Variants in ZNF292 observed in about 807,000 individuals in gnomAD.
ZNF292 encodes zinc finger protein 292, also known as 16 zinc-finger domain protein.
A neutral mutation model predicts 217.9 loss-of-function variants in ZNF292; 26 were observed. The ratio of observed to expected loss-of-function variants is 0.12; its 90% CI spans 0.09 to 0.17. ZNF292 has a LOEUF of 0.17. ZNF292 is among the 10% of genes least tolerant of loss of function. The pLI is 1.00. For synonymous variants in ZNF292, 1,257 were observed against 1,124.1 expected, an observed-to-expected ratio of 1.12 and a Z score of -2.37; for missense variants, 2,904 against 3,175.2, an observed-to-expected ratio of 0.91 and a Z score of 2.05.
intron 1 of ZNF292, among the ~76,000 whole-genome samples, chr6:87,208,155 C>T (rs1273609578): frequency 2.0e-5 from 3 of 152,156 alleles, no homozygotes; most frequent in Non-Finnish European, 2.9e-5. Flanking sequence ...GAGAAGTCTG[C>T]TGCCTCTTCC....
rs201591532 is a variant in ZNF292, at chr6:87,258,214, C to G, written c.4585C>G (p.Pro1529Ala). The G allele has an allele frequency of 6.2e-7, 1 of 1,611,940 alleles. No homozygotes were observed. The highest frequency in any genetic ancestry group is 8.5e-7 in the Non-Finnish European group (1 of 1,179,128). Residue 1529 changes from proline to alanine, a missense_variant, in exon 8 of 8, where the codon CCA becomes GCA. Pro to Ala is a conservative substitution (Grantham distance 27). Transcript: ENST00000369577. ...ATCACAAGTAAATGCAACGGTGATG[C>G]CAAATCCAACTGTACCACCCCTGTT... ...DASQVNATVM[P>A]NPTVPPLLHT... is the part of the protein sequence containing the mutation.
chr6:87,175,137 T>C (rs549006009), intron 1 of ZNF292, among the ~76,000 whole-genome samples: 1 of 152,330 alleles, frequency 6.6e-6, no homozygotes, highest in East Asian at 1.9e-4. Flanking sequence ...ATCTTTTTGC[T>C]TCACTGGTCA....
At chr6:87,225,951 CTT>C (rs1773324728) in intron 4 of ZNF292, among the ~76,000 whole-genome samples, 1 of 152,108 alleles carries the variant, frequency 6.6e-6, no homozygotes, top group Non-Finnish European at 1.5e-5. Flanking sequence ...TTGGGTTTTA[CTT>C]TTATTAACAT....
chr6:87,174,387 T>C (rs375625549), intron 1 of ZNF292: 1 of 151,896 alleles, frequency 6.6e-6, no homozygotes, highest in Non-Finnish European at 1.5e-5. Context: ...ATAGGGAAAC[T>C]CCCTTTTCTC....
In ZNF292 at chr6:87,206,325, C is replaced by G. The variant is rs865929875; in HGVS notation, c.169-9578C>G. 8.5e-5 allele frequency among the ~76,000 whole-genome samples: 11 copies of G among 129,210 alleles called. No individual in the cohort carries two copies. In the Middle Eastern group the frequency reaches 0.016, roughly 186 times the overall value. The allele number at this position is 129,210 out of a possible 152,430, so 84.8% of individuals were successfully genotyped here. A position where few individuals can be genotyped will look rare whatever the true frequency, so the allele number is the denominator to read the frequency against. On this transcript the variant is annotated intron_variant, in intron 1 of 7. Coordinates refer to ENST00000369577, the MANE Select transcript of ZNF292 (RefSeq NM_015021.3). ...GTGAAGAATTCAATCTACCACACTT[C>G]CCACCCTCAGTACTTTGCTTTTCAA...
At chr6:87,212,527 TTACG>T (rs894728925) in intron 1 of ZNF292, among the ~76,000 whole-genome samples, 1 of 152,156 alleles carries the variant, frequency 6.6e-6, no homozygotes, top group African/African-American at 2.4e-5. Flanking sequence ...AAAAAGACAC[TTACG>T]TAGATTTCAA....
chr6:87,216,105 A>G lies in ZNF292; in HGVS notation c.323+48A>G, dbSNP rs559505413. On this transcript the variant is annotated intron_variant, in intron 2 of 7. Coordinates refer to ENST00000369577, the MANE Select transcript of ZNF292 (RefSeq NM_015021.3). ...AAACTAGATTTAGCTTTAAAAATAC[A>G]TAGACACACACACACACACACACAC... 4.1e-6 allele frequency: 3 copies of G among 730,072 alleles called. No individual in the cohort carries two copies. The South Asian group carries it at 6.8e-5, about 17-fold the overall frequency. 45.2% of individuals were successfully genotyped at this position (730,072 alleles called of 1,614,324 possible).
At chr6:87,165,571 A>G (rs1770886078) in intron 1 of ZNF292, among the ~76,000 whole-genome samples, 1 of 152,124 alleles carries the variant, frequency 6.6e-6, no homozygotes, top group South Asian at 2.1e-4. Context: ...TCTTGATTTT[A>G]TAATCCACCA....
At chr6:87,232,808 A>T (rs979407346) in intron 4 of ZNF292, among the ~76,000 whole-genome samples, 3 of 152,084 alleles carry the variant, frequency 2.0e-5, no homozygotes, top group African/African-American at 7.2e-5. Flanking sequence ...TCATTATAAA[A>T]CATCTATTTT....
In ZNF292 at chr6:87,255,500, C is replaced by G; in HGVS notation, c.1871C>G (p.Thr624Ser). ...ACAACTACCAATGAAAATCAGAAGA[C>G]TAATACTGTGGCTAAACAGGAGCAG... ...KITTTNENQK[T>S]NTVAKQEQRP... Residue 624 changes from threonine to serine, a missense_variant, in exon 8 of 8, where the codon ACT becomes AGT. Transcript: ENST00000369577. The G allele has an allele frequency of 6.2e-7, 1 of 1,613,324 alleles. No individual in the cohort carries two copies. Among genetic ancestry groups the G allele is most frequent in the Non-Finnish European group, 8.5e-7 (1 of 1,179,688 alleles).
At chr6:87,181,350 C>G (rs1447799091) in intron 1 of ZNF292, among the ~76,000 whole-genome samples, 1 of 152,164 alleles carries the variant, frequency 6.6e-6, no homozygotes, top group East Asian at 1.9e-4. Flanking sequence ...CTCAGCCAAA[C>G]TCCTCTCAAT....
At chr6:87,221,904 G>A (rs1309971379) in intron 4 of ZNF292, among the ~76,000 whole-genome samples, 1 of 152,068 alleles carries the variant, frequency 6.6e-6, no homozygotes, top group Admixed American at 6.6e-5. Flanking sequence ...TTAAGTTAAT[G>A]TAATGTAAGA....
Position 87,257,587 on chromosome 6 carries a change from T to A in ZNF292, c.3958T>A (p.Phe1320Ile). 3 of 1,606,358 alleles carry A rather than the reference T, an allele frequency of 1.9e-6. No homozygotes were observed. The highest frequency in any genetic ancestry group is 2.6e-6 in the Non-Finnish European group (3 of 1,175,946). ...LKGGNGENAVFPSQVNVANNF... is the reference protein window; with the variant it reads ...LKGGNGENAVIPSQVNVANNF... ...GGGGGGTAATGGTGAAAATGCAGTT[T>A]TTCCTTCACAAGTGAATGTTGCAAA... The change falls in exon 8 of 8, where the codon TTT becomes ATT. Residue 1320 changes from phenylalanine (F) to isoleucine (I), a missense_variant. Coordinates refer to ENST00000369577, the MANE Select transcript of ZNF292 (RefSeq NM_015021.3).
chr6:87,205,987 T>C (rs1484537685), intron 1 of ZNF292, among the ~76,000 whole-genome samples: 3 of 152,218 alleles, frequency 2.0e-5, no homozygotes, highest in African/African-American at 7.2e-5. Flanking sequence ...GCTAAGTATC[T>C]GTTGATCTTG....
At chr6:87,173,990 C>A in intron 1 of ZNF292, 1 of 266,034 alleles carries the variant, frequency 3.8e-6, no homozygotes, top group Non-Finnish European at 7.6e-6. Flanking sequence ...ACAAAATCTG[C>A]TTCAATGTTA....
intron 1 of ZNF292, among the ~76,000 whole-genome samples, chr6:87,211,029 C>T (rs1272402490): frequency 2.0e-5 from 3 of 152,206 alleles, no homozygotes; most frequent in Non-Finnish European, 2.9e-5. Context: ...CACATCAAAA[C>T]ATCCATGAGC....
At chr6:87,197,426 T>G (rs1050054516) in intron 1 of ZNF292, among the ~76,000 whole-genome samples, 1 of 150,300 alleles carries the variant, frequency 6.7e-6, no homozygotes, top group African/African-American at 2.5e-5. Context: ...TTTGGGTTTT[T>G]TTTTTTTTTT....
rs888946447 is a variant in ZNF292 at position 87,259,079 on chromosome 6, G to A, written c.5450G>A (p.Ser1817Asn). The A allele has an allele frequency of 1.2e-6, 2 of 1,612,976 alleles. No homozygotes were observed. Among genetic ancestry groups the A allele is most frequent in the African/African-American group, 2.7e-5 (2 of 74,882 alleles). The change falls in exon 8 of 8, where the codon AGT (serine) becomes AAT (asparagine). Residue 1817 changes from serine to asparagine, a missense_variant. Transcript: ENST00000369577. Reference sequence around the variant, plus strand: ...TCTTCTCCGTTTTCCTCCTTTATAAGTGTCATGCCAACAAAAAGTAACATT... The same window carrying A: ...TCTTCTCCGTTTTCCTCCTTTATAAATGTCATGCCAACAAAAAGTAACATT... The part of the protein sequence containing the change: ...PDSSPFSSFI[S>N]VMPTKSNIPQ...
chr6:87,159,626 C>A (rs915812073), intron 1 of ZNF292, among the ~76,000 whole-genome samples: 1 of 151,906 alleles, frequency 6.6e-6, no homozygotes, highest in Admixed American at 6.6e-5. Context: ...CCTCAGCCTC[C>A]TGAGTAGCTG....
Sources: allele counts gnomAD v4.1 joint callset (sites outside exome capture counted in the v4.1 genomes callset), GRCh38; gene constraint gnomAD v4.1.1; transcripts MANE v1.5; gene names NCBI Gene and HGNC (gene_info 2026-07-23, HGNC 2026-07-21).